Variants in OR51B5 observed in about 807,000 individuals in gnomAD.
OR51B5 encodes the protein olfactory receptor family 51 subfamily B member 5.
For missense variants in OR51B5, 456 were observed against 374.6 expected, an observed-to-expected ratio of 1.22 and a Z score of -1.79; for synonymous variants, 186 against 144.8, an observed-to-expected ratio of 1.28 and a Z score of -2.04.
At chr11:5,361,759 AG>A (rs72447432) in intron 1 of OR51B5, among the ~76,000 whole-genome samples, 57,467 of 151,736 alleles carry the variant, frequency 0.38, 11,070 homozygotes, top group Non-Finnish European at 0.41. Flanking sequence ...TGATCTAGTT[AG>A]GAAAAAATCA....
intron 1 of OR51B5, among the ~76,000 whole-genome samples, chr11:5,445,636 C>T (rs1285791309): frequency 1.3e-5 from 2 of 151,386 alleles, no homozygotes; most frequent in Non-Finnish European, 2.9e-5. Context: ...CTAAATGTAC[C>T]TCCAAGCCCT....
upstream of OR51B5, chr11:5,343,772 T>TAAA (rs1564912563): frequency 1.8e-5 from 7 of 382,666 alleles, no homozygotes; most frequent in African/African-American, 1.2e-4. Context: ...TTCAACTGTT[T>TAAA]ATATGCATTT....
At position 5,454,344 on chromosome 11, in the gene OR51B5, G is replaced by C. The variant is rs768432691; in HGVS notation, n.84+51225C>G. ...AAATGTGTACCTATTTGTGCCTCCTGTGCTCAACCCTCTCATTTATAGCGC... is the reference window on the plus strand; with the variant it reads ...AAATGTGTACCTATTTGTGCCTCCTCTGCTCAACCCTCTCATTTATAGCGC... On this transcript the variant is annotated intron_variant and non_coding_transcript_variant, in intron 1 of 4. Coordinates refer to the OR51B5 transcript ENST00000415970. 1.4e-5 allele frequency: 22 copies of C among 1,613,930 alleles called. 1 individual carries two copies. The South Asian group carries it at 2.3e-4, about 17-fold the overall frequency.
chr11:5,502,937 C>T (rs1352228319), intron 1 of OR51B5, among the ~76,000 whole-genome samples: 3 of 152,274 alleles, frequency 2.0e-5, no homozygotes, highest in South Asian at 2.1e-4. Context: ...AACATCATTT[C>T]TTACATACAA....
At chr11:5,457,840 C>G (rs1850982737) in intron 1 of OR51B5, among the ~76,000 whole-genome samples, 1 of 151,790 alleles carries the variant, frequency 6.6e-6, no homozygotes. Flanking sequence ...TTGATTTAAA[C>G]TGTTTATAGA....
chr11:5,411,592 C>A (rs1850150278), intron 1 of OR51B5, among the ~76,000 whole-genome samples: 1 of 152,030 alleles, frequency 6.6e-6, no homozygotes, highest in African/African-American at 2.4e-5. Flanking sequence ...ATGTCTCCAC[C>A]CCTGTAAGAA....
exon 1 of OR51B5, chr11:5,342,744 G>T (rs754820149): frequency 9.3e-6 from 15 of 1,613,416 alleles, no homozygotes; most frequent in Admixed American, 3.3e-5. Flanking sequence ...TTTCCAAAAC[G>T]ATGAATCAGA....
At chr11:5,380,407 A>G (rs1301287486) in intron 1 of OR51B5, among the ~76,000 whole-genome samples, 2 of 152,200 alleles carry the variant, frequency 1.3e-5, no homozygotes, top group African/African-American at 2.4e-5. Context: ...AAAGACCCGC[A>G]TCGATCTCAC....
intron 1 of OR51B5, among the ~76,000 whole-genome samples, chr11:5,354,522 G>GT (rs769593076): frequency 3.3e-5 from 5 of 152,184 alleles, no homozygotes; most frequent in African/African-American, 4.8e-5. Flanking sequence ...TCTTTGTGGA[G>GT]TCCCGTGAAA....
upstream of OR51B5, chr11:5,346,466 C>A (rs1848992065): frequency 1.4e-5 from 2 of 146,950 alleles, no homozygotes; most frequent in Admixed American, 6.8e-5. Flanking sequence ...AATGGAACAC[C>A]TAGAAAATCA....
chr11:5,444,896 G>A (rs986728367), intron 1 of OR51B5, among the ~76,000 whole-genome samples: 1 of 152,084 alleles, frequency 6.6e-6, no homozygotes, highest in Non-Finnish European at 1.5e-5. Context: ...TCTTTGATCA[G>A]GGAATGTAAA....
chr11:5,504,202 A>G (rs993061686), intron 1 of OR51B5, among the ~76,000 whole-genome samples: 3 of 152,176 alleles, frequency 2.0e-5, no homozygotes, highest in Non-Finnish European at 2.9e-5. Flanking sequence ...TTTTTAAAGA[A>G]AAAAAAGAAA....
intron 1 of OR51B5, among the ~76,000 whole-genome samples, chr11:5,432,243 C>A (rs1850544909): frequency 6.6e-6 from 1 of 152,118 alleles, no homozygotes; most frequent in Non-Finnish European, 1.5e-5. Flanking sequence ...ACTTTTTTAG[C>A]TCCCACATTT....
At chr11:5,343,307 A>G in exon 1 of OR51B5, 1 of 1,610,200 alleles carries the variant, frequency 6.2e-7, no homozygotes, top group Middle Eastern at 1.7e-4. Context: ...CATTGTGGTC[A>G]GGGCCAGCCC....
intron 1 of OR51B5, among the ~76,000 whole-genome samples, chr11:5,478,732 G>C (rs2454330): frequency 0.57 from 85,295 of 149,286 alleles, 24,835 homozygotes; most frequent in South Asian, 0.65. Context: ...CTCAGGAGCC[G>C]ATGCGATCAA....
At chr11:5,421,311 A>G (rs1850332591) in intron 1 of OR51B5, among the ~76,000 whole-genome samples, 1 of 152,214 alleles carries the variant, frequency 6.6e-6, no homozygotes, top group Admixed American at 6.5e-5. Context: ...AGCTGAGAAA[A>G]CAGAAGCCAC....
At position 5,505,449 on chromosome 11, in the gene OR51B5, T is replaced by C. The variant is rs188595565; in HGVS notation, n.84+120A>G. ...TTTTCTTTAATCTGGACAAAAACTA[T>C]CCCCTAATGGGGAGTGGAGTGAGGG... On this transcript the variant is annotated intron_variant and non_coding_transcript_variant, in intron 1 of 4. Coordinates refer to the OR51B5 transcript ENST00000415970. The C allele has an allele frequency of 4.3e-4, 565 of 1,303,798 alleles. 2 individuals carry two copies. In the African/African-American group the frequency reaches 6.1e-3, roughly 14 times the overall value. The allele number at this position is 1,303,798 out of a possible 1,614,324, so 80.8% of individuals were successfully genotyped here. A position where few individuals can be genotyped will look rare whatever the true frequency, so the allele number is the denominator to read the frequency against.
chr11:5,481,889 A>C (rs1395473294), intron 1 of OR51B5, among the ~76,000 whole-genome samples: 1 of 142,320 alleles, frequency 7.0e-6, no homozygotes, highest in Admixed American at 7.0e-5. Flanking sequence ...TTCCATGCTC[A>C]CGGGTAGGAA....
At chr11:5,404,412 G>T (rs1350183292) in intron 1 of OR51B5, among the ~76,000 whole-genome samples, 1 of 152,068 alleles carries the variant, frequency 6.6e-6, no homozygotes, top group African/African-American at 2.4e-5. Context: ...CTGTAAAAAC[G>T]CACCAACTAG....
Sources: allele counts gnomAD v4.1 joint callset (sites outside exome capture counted in the v4.1 genomes callset), GRCh38; gene constraint gnomAD v4.1.1; transcripts MANE v1.5; gene names NCBI Gene and HGNC (gene_info 2026-07-23, HGNC 2026-07-21).